UVRAG: variants seen among roughly 807,000 people sequenced by gnomAD.
UVRAG encodes UV radiation resistance associated, also known as UV radiation resistance-associated gene protein.
UVRAG carries 19 observed loss-of-function variants against 78.0 expected under a neutral mutation model. The ratio of observed to expected loss-of-function variants is 0.24; its 90% CI spans 0.17 to 0.36. The LOEUF is 0.36. Ranked by LOEUF, UVRAG falls within the 10% of genes least tolerant of loss-of-function variation. The pLI is 1.00. For missense variants in UVRAG, 740 were observed against 853.8 expected (o/e 0.87, Z 1.66); for synonymous variants, 323 against 324.6 (o/e 1.00, Z 0.05).
chr11:75,828,689 A>G (rs12223366), intron 1 of UVRAG, among the ~76,000 whole-genome samples: 16,616 of 51,350 alleles, frequency 0.32, 1,159 homozygotes, highest in African/African-American at 0.38. Context: ...ACACATATAC[A>G]TGTGTGTGTA....
chr11:75,847,869 G>T (rs1946068503), intron 1 of UVRAG, among the ~76,000 whole-genome samples: 1 of 151,696 alleles, frequency 6.6e-6, no homozygotes. Flanking sequence ...TACTCAGGAG[G>T]CTGAGGCTGG....
At chr11:75,985,621 G>A (rs1949486410) in intron 8 of UVRAG, among the ~76,000 whole-genome samples, 1 of 151,934 alleles carries the variant, frequency 6.6e-6, no homozygotes, top group Admixed American at 6.6e-5. Context: ...AGATTTTATA[G>A]TTGTTTTTCT....
chr11:76,039,009 T>C lies in UVRAG; in HGVS notation c.1226+22029T>C, dbSNP rs185527455. On this transcript the variant is annotated intron_variant, in intron 12 of 14. Coordinates refer to ENST00000356136, the MANE Select transcript of UVRAG (RefSeq NM_003369.4). ...GCAGAGAACTCATTTATACTGTGCCTAGAGTTCTGACCTACAGAAACCATG... is the reference window on the plus strand; with the variant it reads ...GCAGAGAACTCATTTATACTGTGCCCAGAGTTCTGACCTACAGAAACCATG... 2.0e-5 allele frequency among the ~76,000 whole-genome samples: 3 copies of C among 152,348 alleles called. No homozygotes were observed. The East Asian group carries it at 5.8e-4, about 29-fold the overall frequency.
At chr11:76,092,658 A>G (rs2134430139) in intron 13 of UVRAG, among the ~76,000 whole-genome samples, 1 of 152,214 alleles carries the variant, frequency 6.6e-6, no homozygotes, top group East Asian at 1.9e-4. Context: ...GTCTGTTCAT[A>G]TCCTTCACCC....
intron 13 of UVRAG, among the ~76,000 whole-genome samples, chr11:76,111,553 T>A (rs1435630256): frequency 6.6e-6 from 1 of 152,146 alleles, no homozygotes; most frequent in East Asian, 1.9e-4. Flanking sequence ...GGAAGGTGCC[T>A]TACCAAAAGG....
At chr11:75,917,656 T>G (rs1947886960) in intron 6 of UVRAG, among the ~76,000 whole-genome samples, 2 of 152,324 alleles carry the variant, frequency 1.3e-5, no homozygotes, top group Non-Finnish European at 2.9e-5. Context: ...AACCCCAAAG[T>G]GTCTGGAGCC....
intron 9 of UVRAG, among the ~76,000 whole-genome samples, chr11:76,005,976 C>T (rs1209417263): frequency 7.4e-6 from 1 of 135,380 alleles, no homozygotes; most frequent in South Asian, 2.2e-4. Flanking sequence ...CTCATTAGAT[C>T]TTGTTGTGCA....
chr11:75,944,034 G>T (rs1025954608), intron 6 of UVRAG, among the ~76,000 whole-genome samples: 5 of 152,158 alleles, frequency 3.3e-5, no homozygotes, highest in African/African-American at 1.2e-4. Context: ...TAGCACTGTA[G>T]CTCTGATCAA....
chr11:76,133,824 C>T (rs1467198601), intron 14 of UVRAG, among the ~76,000 whole-genome samples: 1 of 151,706 alleles, frequency 6.6e-6, no homozygotes, highest in Admixed American at 6.6e-5. Context: ...CAAAGCTTTC[C>T]CCACCTCATG....
At chr11:75,849,276 C>T (rs1319164552) in intron 1 of UVRAG, among the ~76,000 whole-genome samples, 7 of 151,854 alleles carry the variant, frequency 4.6e-5, no homozygotes, top group East Asian at 1.9e-4. Context: ...GAGGCCAAGG[C>T]GGGCGGATCA....
At chr11:75,826,098 A>G (rs557931914) in intron 1 of UVRAG, among the ~76,000 whole-genome samples, 6 of 151,532 alleles carry the variant, frequency 4.0e-5, no homozygotes, top group Middle Eastern at 3.4e-3. Context: ...TGGCCTCCCA[A>G]AGTGCTGGGA....
chr11:76,016,733 AT>A, intron 11 of UVRAG, 81 bp from the exon 12 acceptor site: 1 of 1,224,714 alleles, frequency 8.2e-7, no homozygotes, highest in Non-Finnish European at 1.1e-6. Context: ...TTTATAAAAT[AT>A]TCTTTGAAAA....
At chr11:76,020,638 AAAG>A (rs1950227891) in intron 12 of UVRAG, among the ~76,000 whole-genome samples, 2 of 145,478 alleles carry the variant, frequency 1.4e-5, no homozygotes, top group South Asian at 2.2e-4. Context: ...CAACAAGCAG[AAAG>A]AAGGAGTCTT....
intron 13 of UVRAG, among the ~76,000 whole-genome samples, chr11:76,097,194 C>T (rs1591234251): frequency 6.6e-6 from 1 of 152,126 alleles, no homozygotes; most frequent in African/African-American, 2.4e-5. Flanking sequence ...TGTCACACCT[C>T]GTCACTGTCA....
chr11:75,921,391 C>A (rs1947976698), intron 6 of UVRAG, among the ~76,000 whole-genome samples: 1 of 152,102 alleles, frequency 6.6e-6, no homozygotes. Flanking sequence ...GTGAATTTGC[C>A]TATTCATTTA....
chr11:76,102,051 T>G (rs796503627), intron 13 of UVRAG, among the ~76,000 whole-genome samples: 5 of 152,334 alleles, frequency 3.3e-5, no homozygotes, highest in African/African-American at 1.2e-4. Context: ...TAGGATTGCC[T>G]TGGCTATTCA....
At chr11:75,942,110 G>A in intron 6 of UVRAG, 1 of 152,100 alleles carries the variant, frequency 6.6e-6, no homozygotes, top group Non-Finnish European at 1.5e-5. Flanking sequence ...AAATAGTTAA[G>A]GGAAAAAATA....
At chr11:76,092,272 A>G (rs555063287) in intron 13 of UVRAG, among the ~76,000 whole-genome samples, 1 of 152,206 alleles carries the variant, frequency 6.6e-6, no homozygotes, top group East Asian at 1.9e-4. Flanking sequence ...AGTCTTTGCT[A>G]TTGTGAATAG....
At chr11:75,836,020 G>A (rs1182308384) in intron 1 of UVRAG, among the ~76,000 whole-genome samples, 1 of 152,062 alleles carries the variant, frequency 6.6e-6, no homozygotes, top group Non-Finnish European at 1.5e-5. Flanking sequence ...AGAATCGCTT[G>A]AACCCGGGAG....
Sources: allele counts gnomAD v4.1 joint callset (sites outside exome capture counted in the v4.1 genomes callset), GRCh38; gene constraint gnomAD v4.1.1; transcripts MANE v1.5; gene names NCBI Gene and HGNC (gene_info 2026-07-23, HGNC 2026-07-21).